Variants in ASIC5 observed in about 807,000 individuals in gnomAD.
ASIC5 encodes bile acid-sensitive ion channel.
A neutral mutation model predicts 51.2 loss-of-function variants in ASIC5; 52 were observed. That is an observed-to-expected ratio of 1.02 (90% CI 0.81 to 1.28). ASIC5 has a LOEUF of 1.28. Among genes scored for constraint, ASIC5 ranks in the 50% most tolerant of loss-of-function variants. The probability of loss-of-function intolerance (pLI) is 0.00; values close to 1 mark genes in which losing one functional copy is unlikely to be tolerated. For missense variants in ASIC5, 635 were observed against 595.0 expected (o/e 1.07, Z -0.70); for synonymous variants, 231 against 200.7 (o/e 1.15, Z -1.28).
intron 3 of ASIC5, among the ~76,000 whole-genome samples, chr4:155,852,805 G>C (rs895133380): frequency 1.8e-4 from 28 of 151,896 alleles, no homozygotes; most frequent in Admixed American, 5.3e-4. Flanking sequence ...TTGCCTCAGT[G>C]GTTGGTTCAA....
chr4:155,843,771 G>A lies in ASIC5; in HGVS notation c.771C>T (p.Ile257=), dbSNP rs145138118. ...GFVDAGIIFV[I]HSPKKVPQFD... Reference sequence around the variant, plus strand: ...ACTGTGGCACCTTCTTTGGTGAATGGATAACAAAGATGATCCCAGCATCAA... The same window carrying A: ...ACTGTGGCACCTTCTTTGGTGAATGAATAACAAAGATGATCCCAGCATCAA... The change falls in exon 5 of 10, where the codon ATC becomes ATT. Residue 257 remains isoleucine (I), a synonymous_variant. Coordinates refer to ENST00000537611, the MANE Select transcript of ASIC5 (RefSeq NM_017419.3). 10 of 1,613,572 alleles carry A rather than the reference G, an allele frequency of 6.2e-6. No homozygotes were observed. The highest frequency in any genetic ancestry group is 6.8e-6 in the Non-Finnish European group (8 of 1,179,654).
chr4:155,840,032 G>A (rs1741081768), intron 6 of ASIC5, among the ~76,000 whole-genome samples: 1 of 152,124 alleles, frequency 6.6e-6, no homozygotes, highest in Non-Finnish European at 1.5e-5. Flanking sequence ...AGGGATGTGT[G>A]AGAATCTAAC....
At chr4:155,852,347 A>G (rs1348408866) in intron 3 of ASIC5, 31 bp from the exon 4 acceptor site, 3 of 1,566,510 alleles carry the variant, frequency 1.9e-6, no homozygotes, top group South Asian at 1.2e-5. Flanking sequence ...AAAAAAAACC[A>G]TCAATTTGAT....
rs995780022 is a variant in ASIC5, at chr4:155,857,580, A to G, written c.348-3266T>C. On this transcript the variant is annotated intron_variant, in intron 2 of 9. Transcript: ENST00000537611. ...ATATATTAATTTGTTTAAACAATTTAACATCTGCTAACCAGTTATTAGATA... is the reference window on the plus strand; with the variant it reads ...ATATATTAATTTGTTTAAACAATTTGACATCTGCTAACCAGTTATTAGATA... Among the ~76,000 whole-genome samples, 9 of 152,138 alleles carry G rather than the reference A, an allele frequency of 5.9e-5. 1 individual carries two copies. Among genetic ancestry groups the G allele is most frequent in the Admixed American group, 5.2e-4 (8 of 15,262 alleles).
rs141046308 is a variant in ASIC5, at chr4:155,863,547, C to T, written c.248G>A (p.Arg83His). ...VSLVTWQIYI[R>H]LLNYFTWPTT... Reference sequence around the variant, plus strand: ...TGGCCATGTGAAGTAGTTGAGCAAGCGAATGTAGATCTGCCATGTCACAAG... The same window carrying T: ...TGGCCATGTGAAGTAGTTGAGCAAGTGAATGTAGATCTGCCATGTCACAAG... Residue 83 changes from arginine (R) to histidine (H), a missense_variant, in exon 2 of 10, where the codon CGC (arginine) becomes CAC (histidine). Arg to His is a conservative substitution (Grantham distance 29, BLOSUM62 0). Coordinates refer to ENST00000537611, the MANE Select transcript of ASIC5 (RefSeq NM_017419.3). 3.6e-4 allele frequency: 579 copies of T among 1,613,666 alleles called. No homozygotes were observed. The highest frequency in any genetic ancestry group is 4.5e-4 in the Non-Finnish European group (531 of 1,179,854).
chr4:155,850,747 A>C (rs999694748), intron 4 of ASIC5, among the ~76,000 whole-genome samples: 2 of 152,014 alleles, frequency 1.3e-5, no homozygotes, highest in African/African-American at 4.8e-5. Flanking sequence ...TTTGCAATTA[A>C]AATCCCTGCC....
chr4:155,842,231 C>T lies in ASIC5; in HGVS notation c.985G>A (p.Gly329Arg). ...CKAQHIKKQC[G>R]CVPFLLPGYG... ...CCAGGAAGAAGAAAAGGCACACATC[C>T]ACATTGCTTTTTTATGTGCTGGGCT... The change falls in exon 6 of 10, where the codon GGA becomes AGA. Residue 329 changes from glycine to arginine, a missense_variant. By Grantham distance (125) the Gly-to-Arg change is moderately radical (BLOSUM62 -2). Coordinates refer to ENST00000537611, the MANE Select transcript of ASIC5 (RefSeq NM_017419.3). 1 of 1,613,554 alleles carries T rather than the reference C, an allele frequency of 6.2e-7. No homozygotes were observed. The highest frequency in any genetic ancestry group is 8.5e-7 in the Non-Finnish European group (1 of 1,179,662).
intron 2 of ASIC5, among the ~76,000 whole-genome samples, chr4:155,860,098 G>C (rs1741658674): frequency 6.6e-6 from 1 of 151,728 alleles, no homozygotes; most frequent in Non-Finnish European, 1.5e-5. Flanking sequence ...CCACATTTTG[G>C]GTTATTTGAA....
At chr4:155,847,778 T>G (rs1741289359) in intron 4 of ASIC5, among the ~76,000 whole-genome samples, 1 of 151,812 alleles carries the variant, frequency 6.6e-6, no homozygotes, top group African/African-American at 2.4e-5. Context: ...GGCCAGAAAT[T>G]AAAGCCATTC....
chr4:155,866,120 CT>C, intron 1 of ASIC5, 66 bp downstream of exon 1: 1 of 1,008,056 alleles, frequency 9.9e-7, no homozygotes, highest in Non-Finnish European at 1.5e-6. Flanking sequence ...AAAAATCTCT[CT>C]TTTCTTACTT....
chr4:155,865,015 T>G (rs1026025662), intron 1 of ASIC5: 3 of 152,098 alleles, frequency 2.0e-5, no homozygotes, highest in African/African-American at 7.2e-5. Flanking sequence ...TACTATTAAA[T>G]CATTATTTAA....
chr4:155,860,998 TCTTCTTTGA>T (rs1218915112), intron 2 of ASIC5, among the ~76,000 whole-genome samples: 1 of 151,992 alleles, frequency 6.6e-6, no homozygotes, highest in Non-Finnish European at 1.5e-5. Context: ...TTTTGTGATT[TCTTCTTTGA>T]CTTCTTTGTT....
At chr4:155,834,615 T>G (rs1740936860) in intron 8 of ASIC5, among the ~76,000 whole-genome samples, 1 of 152,158 alleles carries the variant, frequency 6.6e-6, no homozygotes, top group Non-Finnish European at 1.5e-5. Flanking sequence ...AATAATTATA[T>G]GGACAGGAAA....
chr4:155,838,417 G>T (rs565953453), intron 7 of ASIC5, among the ~76,000 whole-genome samples: 1 of 152,248 alleles, frequency 6.6e-6, no homozygotes, highest in South Asian at 2.1e-4. Flanking sequence ...ATGCAATAAA[G>T]TGAATGAATG....
At chr4:155,862,067 T>G (rs1263243392) in intron 2 of ASIC5, among the ~76,000 whole-genome samples, 2 of 152,098 alleles carry the variant, frequency 1.3e-5, no homozygotes, top group African/African-American at 4.8e-5. Flanking sequence ...GGGATAGAGT[T>G]TATGGACTTC....
rs751662582 is a variant in ASIC5, at chr4:155,843,756, C to T, written c.786G>A (p.Lys262=). The change falls in exon 5 of 10, where the codon AAG becomes AAA. Residue 262 remains lysine (K), a synonymous_variant. Coordinates refer to ENST00000537611, the MANE Select transcript of ASIC5 (RefSeq NM_017419.3). ...GIIFVIHSPK[K]VPQFDGLGLL... is the part of the protein sequence containing the mutation. ...AGCCTAACCCATCAAACTGTGGCAC[C>T]TTCTTTGGTGAATGGATAACAAAGA... 6.2e-7 allele frequency: 1 copy of T among 1,613,740 alleles called. No individual in the cohort carries two copies. Among genetic ancestry groups the T allele is most frequent in the Admixed American group, 1.7e-5 (1 of 59,958 alleles).
At chr4:155,847,321 G>A (rs945031616) in intron 4 of ASIC5, among the ~76,000 whole-genome samples, 1 of 152,018 alleles carries the variant, frequency 6.6e-6, no homozygotes. Context: ...AAGTTACAGG[G>A]CTTTGACTCC....
At chr4:155,830,922 G>C (rs1740858000) in intron 9 of ASIC5, among the ~76,000 whole-genome samples, 1 of 152,176 alleles carries the variant, frequency 6.6e-6, no homozygotes, top group African/African-American at 2.4e-5. Flanking sequence ...TGAAGTATAG[G>C]CTTCTCCAAG....
At chr4:155,832,907 T>G (rs902482391) in intron 8 of ASIC5, among the ~76,000 whole-genome samples, 1 of 152,040 alleles carries the variant, frequency 6.6e-6, no homozygotes, top group Non-Finnish European at 1.5e-5. Context: ...CTTCAACAAA[T>G]ATTGTCAGGA....
Sources: allele counts gnomAD v4.1 joint callset (sites outside exome capture counted in the v4.1 genomes callset), GRCh38; gene constraint gnomAD v4.1.1; transcripts MANE v1.5; gene names NCBI Gene and HGNC (gene_info 2026-07-23, HGNC 2026-07-21).